TET2: variants seen among roughly 807,000 people sequenced by gnomAD.
TET2 encodes the protein tet methylcytosine dioxygenase 2.
TET2 carries 299 observed loss-of-function variants against 142.9 expected under a neutral mutation model. The ratio of observed to expected loss-of-function variants is 2.09; its 90% CI spans 1.90 to 2.30. The LOEUF is 2.30. TET2 is among the 30% of genes most tolerant of loss of function. TET2 has a pLI of 0.00. For missense variants in TET2, 2,418 were observed against 2,378.0 expected (o/e 1.02, Z -0.35); for synonymous variants, 819 against 849.0 (o/e 0.96, Z 0.61).
In TET2 at chr4:105,235,031, T is replaced by C; in HGVS notation, c.1089T>C (p.Pro363=). ...GTTCCAGCAGCAATTTGCAAGCTCC[T>C]GGTGGCAGCTCTGAACGGTATTTAA... ...CSGSSSNLQA[P]GGSSERYLKQ... is the part of the protein sequence containing the mutation. The change falls in exon 3 of 11, where the codon CCT becomes CCC. Residue 363 remains proline, a synonymous_variant. Transcript: ENST00000380013. The C allele has an allele frequency of 6.2e-7, 1 of 1,614,170 alleles. No homozygotes were observed. The highest frequency in any genetic ancestry group is 1.1e-5 in the South Asian group (1 of 91,082).
At chr4:105,185,187 A>G (rs571319124) in intron 1 of TET2, among the ~76,000 whole-genome samples, 9 of 150,474 alleles carry the variant, frequency 6.0e-5, no homozygotes, top group Non-Finnish European at 1.2e-4. Flanking sequence ...TTTTTCCTTC[A>G]TTTTTGAACG....
intron 2 of TET2, among the ~76,000 whole-genome samples, chr4:105,205,865 C>T (rs923486464): frequency 1.3e-5 from 2 of 152,156 alleles, no homozygotes; most frequent in African/African-American, 2.4e-5. Flanking sequence ...AACTCCCAAC[C>T]TCAGGTGATC....
chr4:105,272,828 G>C lies in TET2; in HGVS notation c.4447G>C (p.Glu1483Gln). Residue 1483 changes from glutamate (E) to glutamine (Q), a missense_variant, in exon 10 of 11, where the codon GAG (glutamate) becomes CAG (glutamine). By Grantham distance (29) the Glu-to-Gln change is conservative. Coordinates refer to ENST00000380013, the MANE Select transcript of TET2 (RefSeq NM_001127208.3). ...KAAAEKLSSL[E>Q]NSSNKNEKEK... Reference sequence around the variant, plus strand: ...TGCAGCTGAAAAGCTTTCCTCCCTGGAGAACAGCTCAAATAAAAATGAAAA... The same window carrying C: ...TGCAGCTGAAAAGCTTTCCTCCCTGCAGAACAGCTCAAATAAAAATGAAAA... 1 of 1,551,578 alleles carries C rather than the reference G, an allele frequency of 6.4e-7. No homozygotes were observed. Among genetic ancestry groups the C allele is most frequent in the Non-Finnish European group, 8.7e-7 (1 of 1,146,958 alleles).
Position 105,261,749 on chromosome 4 carries a change from C to G in TET2, c.3955-10C>G. On this transcript the variant is annotated splice_polypyrimidine_tract_variant and intron_variant, in intron 7 of 10. Coordinates refer to ENST00000380013, the MANE Select transcript of TET2 (RefSeq NM_001127208.3). ...AGAATTTAATATGTAGAATTATTCA[C>G]TTTATACAGGAAGAGAAACTGGAGT... The G allele has an allele frequency of 6.6e-7, 1 of 1,508,704 alleles. No homozygotes were observed. The highest frequency in any genetic ancestry group is 9.0e-7 in the Non-Finnish European group (1 of 1,110,272). The allele number at this position is 1,508,704 out of a possible 1,614,324, so 93.5% of individuals were successfully genotyped here. A position where few individuals can be genotyped will look rare whatever the true frequency, so the allele number is the denominator to read the frequency against.
At chr4:105,210,756 C>T (rs1307876887) in intron 2 of TET2, among the ~76,000 whole-genome samples, 1 of 152,154 alleles carries the variant, frequency 6.6e-6, no homozygotes, top group Non-Finnish European at 1.5e-5. Context: ...CTGTTTCTGC[C>T]TTCAAAATGT....
intron 1 of TET2, among the ~76,000 whole-genome samples, chr4:105,160,170 T>TAA (rs1723778699): frequency 6.6e-6 from 1 of 152,204 alleles, no homozygotes; most frequent in South Asian, 2.1e-4. Flanking sequence ...CCATCCTCTG[T>TAA]AAATTCTCTC....
At chr4:105,241,908 T>A in intron 4 of TET2, 1 of 1,241,990 alleles carries the variant, frequency 8.1e-7, no homozygotes, top group Non-Finnish European at 1.0e-6. Flanking sequence ...ATATGTTGAA[T>A]AGAAAGAGAA....
At chr4:105,220,404 T>G (rs1727746681) in intron 2 of TET2, among the ~76,000 whole-genome samples, 1 of 152,174 alleles carries the variant, frequency 6.6e-6, no homozygotes, top group South Asian at 2.1e-4. Flanking sequence ...ATTTTATTTG[T>G]CTTTCAAACT....
chr4:105,167,613 G>A (rs1724232963), intron 1 of TET2, among the ~76,000 whole-genome samples: 1 of 152,108 alleles, frequency 6.6e-6, no homozygotes. Context: ...GGTGTGTATG[G>A]TTGTTTATTA....
intron 1 of TET2, among the ~76,000 whole-genome samples, chr4:105,156,720 C>T (rs968919764): frequency 9.9e-5 from 15 of 152,234 alleles, no homozygotes; most frequent in Non-Finnish European, 1.8e-4. Context: ...TTATTCCTCC[C>T]GTTTTTCTTA....
chr4:105,151,997 C>G (rs1723326791), intron 1 of TET2, among the ~76,000 whole-genome samples: 1 of 151,578 alleles, frequency 6.6e-6, no homozygotes, highest in Non-Finnish European at 1.5e-5. Flanking sequence ...ATCACTTGAG[C>G]CTGGGCATGG....
chr4:105,241,757 C>G (rs1264759293), intron 4 of TET2: 2 of 1,252,432 alleles, frequency 1.6e-6, no homozygotes, highest in Admixed American at 4.1e-5. Flanking sequence ...CTCTGGCTTT[C>G]CCACCTGATA....
chr4:105,158,274 G>C (rs1453083320), intron 1 of TET2, among the ~76,000 whole-genome samples: 1 of 151,958 alleles, frequency 6.6e-6, no homozygotes, highest in Non-Finnish European at 1.5e-5. Flanking sequence ...GTTATAATTA[G>C]TCATGCCTTA....
intron 1 of TET2, among the ~76,000 whole-genome samples, chr4:105,165,226 A>C (rs933997487): frequency 1.3e-5 from 2 of 152,028 alleles, no homozygotes; most frequent in Non-Finnish European, 2.9e-5. Context: ...AAATACAAAA[A>C]TTAGCCAGGC....
At position 105,278,171 on chromosome 4, in the gene TET2, C is replaced by CATACATACATATATATATAT. The variant is rs577624044; in HGVS notation, c.*1655_*1656insCATACATATATATATATATA. 8.8e-6 allele frequency: 1 copy of CATACATACATATATATATAT among 113,920 alleles called. No homozygotes were observed. The highest frequency in any genetic ancestry group is 4.1e-5 in the African/African-American group (1 of 24,424). 7.1% of individuals were successfully genotyped at this position (113,920 alleles called of 1,614,324 possible). The stretch of plus-strand genomic sequence containing the variant: ...GTACTGTAAAAAAATTAAATATATA[C>CATACATACATATATATATAT]ATATATATATATATATATATATATA... On this transcript the variant is annotated 3_prime_UTR_variant, in exon 11 of 11. Coordinates refer to ENST00000380013, the MANE Select transcript of TET2 (RefSeq NM_001127208.3).
At chr4:105,185,258 T>G (rs1430290970) in intron 1 of TET2, among the ~76,000 whole-genome samples, 3 of 152,064 alleles carry the variant, frequency 2.0e-5, no homozygotes, top group Non-Finnish European at 4.4e-5. Flanking sequence ...CAAAATGAAA[T>G]GTTTCACTGA....
intron 3 of TET2, chr4:105,240,823 T>C (rs1405478218): frequency 2.8e-6 from 3 of 1,079,566 alleles, no homozygotes; most frequent in East Asian, 5.0e-5. Context: ...GATTGACTAT[T>C]CTTATTTGCA....
intron 2 of TET2, among the ~76,000 whole-genome samples, chr4:105,222,706 G>A (rs972495011): frequency 3.3e-5 from 5 of 152,206 alleles, no homozygotes; most frequent in African/African-American, 1.2e-4. Context: ...CTGTGCAGAA[G>A]CTCTTTAGTT....
chr4:105,235,224 G>GGT lies in TET2; in HGVS notation c.1284_1285dup (p.Gly429ValfsTer4). ...TTCAGAAGGAAAAAGCACTCTGAAT[G>GGT]GTGGAGTTTTAGAAGAACACCACCA... On this transcript the variant is annotated frameshift_variant, in exon 3 of 11. Coordinates refer to ENST00000380013, the MANE Select transcript of TET2 (RefSeq NM_001127208.3). LOFTEE classifies it high-confidence loss of function. 1 of 1,613,970 alleles carries GGT rather than the reference G, an allele frequency of 6.2e-7. No homozygotes were observed. Among genetic ancestry groups the GGT allele is most frequent in the Non-Finnish European group, 8.5e-7 (1 of 1,179,984 alleles).
Sources: gnomAD v4.1 joint callset for allele counts (sites outside exome capture counted in the v4.1 genomes callset) on GRCh38, gnomAD v4.1.1 for gene constraint, MANE v1.5 for transcripts, NCBI Gene and HGNC (gene_info 2026-07-23, HGNC 2026-07-21) for gene names.